Variants in ABHD16A observed in about 807,000 individuals in gnomAD.
ABHD16A encodes the protein abhydrolase domain containing 16A, phospholipase, also known as phosphatidylserine lipase ABHD16A.
Under a neutral mutation model 89.8 loss-of-function variants are expected in ABHD16A, and 47 were observed. The observed-to-expected ratio is 0.52, with a 90% confidence interval of 0.41 to 0.67. The LOEUF is 0.67. Among genes scored for constraint, ABHD16A ranks in the 30% least tolerant of loss-of-function variants. ABHD16A has a pLI of 0.00. For synonymous variants in ABHD16A, 251 were observed against 280.4 expected (o/e 0.90, Z 1.05); for missense variants, 580 against 734.6 (o/e 0.79, Z 2.43).
At chr6:31,703,013 C>G in intron 1 of ABHD16A, 137 bp downstream of exon 1, 1 of 1,353,836 alleles carries the variant, frequency 7.4e-7, no homozygotes, top group Non-Finnish European at 9.5e-7. Flanking sequence ...AGGAAGCACA[C>G]AGAGCGCAGA....
intron 1 of ABHD16A, chr6:31,702,717 G>A: frequency 6.5e-7 from 1 of 1,544,698 alleles, no homozygotes; most frequent in Non-Finnish European, 8.7e-7. Flanking sequence ...AAGTCATTCT[G>A]AAATTCAAGG....
rs775646648 is a variant in ABHD16A, at chr6:31,703,186, C to A, written c.96G>T (p.Thr32=). Reference sequence around the variant, plus strand: ...AATGGGGGGCAGTGACTGCCGTTGGCGTCTCAGGGACGCTGGCCGGGGCCC... The same window carrying A: ...AATGGGGGGCAGTGACTGCCGTTGGAGTCTCAGGGACGCTGGCCGGGGCCC... The part of the protein sequence containing the change: ...SERAPASVPE[T]PTAVTAPHSS... The change falls in exon 1 of 20, where the codon ACG becomes ACT. Residue 32 remains threonine, a synonymous_variant. Transcript: ENST00000395952. 2 of 1,434,124 alleles carry A rather than the reference C, an allele frequency of 1.4e-6. No homozygotes were observed. Among genetic ancestry groups the A allele is most frequent in the Admixed American group, 2.7e-5 (1 of 37,378 alleles). The allele number at this position is 1,434,124 out of a possible 1,614,324, so 88.8% of individuals were successfully genotyped here.
rs149790845 is a variant in ABHD16A, at chr6:31,697,024, C to T, written c.353G>A (p.Arg118His). 8.1e-6 allele frequency: 13 copies of T among 1,612,662 alleles called. No individual in the cohort carries two copies. Among genetic ancestry groups the T allele is most frequent in the Non-Finnish European group, 1.0e-5 (12 of 1,179,852 alleles). The change falls in exon 5 of 20, where the codon CGC becomes CAC. Residue 118 changes from arginine to histidine, a missense_variant. This residue lies in a region of ABHD16A where 165 missense variants were observed against 165.8 expected (regional missense o/e 1.00). Transcript: ENST00000395952. ...CTGCCGGTACTGGGGGTTGGTCCAG[C>T]GGCCAATGCCTGGTAGAAAAAGGAC... ...AGVACLRGIG[R>H]WTNPQYRQFI...
At position 31,693,587 on chromosome 6, in the gene ABHD16A, A is replaced by C. The variant is rs1804117252; in HGVS notation, c.430-155T>G. On this transcript the variant is annotated intron_variant, in intron 5 of 19. Transcript: ENST00000395952. The surrounding 1 kb of genome is among the most constrained non-coding windows in gnomAD (Gnocchi z 5.0). ...TACCCTCCCAATTCTCAGATGGAAA[A>C]TTCTAACAGGACCAGAAAATCAGGG... Among the ~76,000 whole-genome samples the C allele has an allele frequency of 6.6e-6, 1 of 152,168 alleles. No homozygotes were observed. The highest frequency in any genetic ancestry group is 1.5e-5 in the Non-Finnish European group (1 of 68,024).
chr6:31,688,792 G>A lies in ABHD16A; in HGVS notation c.1187-6C>T, dbSNP rs1179454981. On this transcript the variant is annotated splice_polypyrimidine_tract_variant and splice_region_variant and intron_variant, in intron 13 of 19. Coordinates refer to ENST00000395952, the MANE Select transcript of ABHD16A (RefSeq NM_021160.3). This position sits in a 1 kb window ranked among gnomAD's most constrained non-coding sequence, Gnocchi z 4.9. ...GGTCCTGGTCACCAGGCCCCCTAGA[G>A]TGGGATAAAGGTGAAGGGATGGCAG... The A allele has an allele frequency of 2.5e-6, 4 of 1,612,706 alleles. No homozygotes were observed. In the South Asian group the frequency reaches 3.3e-5, roughly 13 times the overall value.
chr6:31,692,999 T>C (rs750460705), intron 7 of ABHD16A, 28 bp downstream of exon 7: 1 of 1,614,064 alleles, frequency 6.2e-7, no homozygotes, highest in Non-Finnish European at 8.5e-7. Context: ...TCCACCCCAG[T>C]GGGCCTCTCC....
chr6:31,691,450 C>T (rs540215098), intron 9 of ABHD16A, 129 bp downstream of exon 9: 3 of 759,070 alleles, frequency 4.0e-6, no homozygotes, highest in Non-Finnish European at 6.5e-6. Flanking sequence ...AGGTCTTTAG[C>T]GTGGAGCTAG....
intron 8 of ABHD16A, 40 bp downstream of exon 8, chr6:31,691,764 G>T: frequency 6.4e-7 from 1 of 1,573,652 alleles, no homozygotes; most frequent in Non-Finnish European, 8.6e-7. Flanking sequence ...GGGGGTGAGA[G>T]GGGAGGGCTT....
In ABHD16A at chr6:31,687,595, C is replaced by A; in HGVS notation, c.1546+47G>T. On this transcript the variant is annotated intron_variant, in intron 18 of 19. Transcript: ENST00000395952. This position sits in a 1 kb window ranked among gnomAD's most constrained non-coding sequence, Gnocchi z 6.3. The stretch of plus-strand genomic sequence containing the variant: ...GGCCACACATCTGGGTATTCATCCC[C>A]TTCCTAGGCCCTTCCCACCCTCTCT... 1 of 1,612,978 alleles carries A rather than the reference C, an allele frequency of 6.2e-7. No homozygotes were observed. The highest frequency in any genetic ancestry group is 2.2e-5 in the East Asian group (1 of 44,884).
intron 4 of ABHD16A, among the ~76,000 whole-genome samples, chr6:31,700,657 G>A (rs1804880350): frequency 6.6e-6 from 1 of 151,910 alleles, no homozygotes; most frequent in African/African-American, 2.4e-5. Flanking sequence ...AGTACTTCGG[G>A]AGGCTGAGGT....
chr6:31,690,484 G>T lies in ABHD16A; in HGVS notation c.907+55C>A. ...AGGGGAGGTCAGGTCAGTGTGGGAG[G>T]CAGGGACATTCCCTTTCAAAGGGCG... On this transcript the variant is annotated intron_variant, in intron 10 of 19. Coordinates refer to ENST00000395952, the MANE Select transcript of ABHD16A (RefSeq NM_021160.3). This position sits in a 1 kb window ranked among gnomAD's most constrained non-coding sequence, Gnocchi z 4.1. 1 of 1,580,302 alleles carries T rather than the reference G, an allele frequency of 6.3e-7. No individual in the cohort carries two copies. Among genetic ancestry groups the T allele is most frequent in the Non-Finnish European group, 8.7e-7 (1 of 1,150,380 alleles).
At position 31,693,358 on chromosome 6, in the gene ABHD16A, C is replaced by A. The variant is rs1334574044; in HGVS notation, c.503+1G>T. On this transcript the variant is annotated splice_donor_variant, in intron 6 of 19. Coordinates refer to ENST00000395952, the MANE Select transcript of ABHD16A (RefSeq NM_021160.3). LOFTEE classifies it high-confidence loss of function. The surrounding 1 kb of genome is among the most constrained non-coding windows in gnomAD (Gnocchi z 5.0). ...ATACAGCAAAAGAACTGGGGCCTCA[C>A]CGGCTGCTGGGTTCTTCCCAGTGGA... The A allele has an allele frequency of 6.2e-7, 1 of 1,612,950 alleles. No homozygotes were observed. The highest frequency in any genetic ancestry group is 1.3e-5 in the African/African-American group (1 of 74,916).
chr6:31,694,387 CTTTTTTTTTTT>C (rs1190272819), intron 5 of ABHD16A, among the ~76,000 whole-genome samples: 4 of 77,720 alleles, frequency 5.1e-5, no homozygotes, highest in Non-Finnish European at 9.1e-5. Flanking sequence ...GGAGCTGTGT[CTTTTTTTTTTT>C]TTTTTTTTTT....
chr6:31,689,094 T>C lies in ABHD16A; in HGVS notation c.1107A>G (p.Pro369=), dbSNP rs1803592907. 1 of 1,613,958 alleles carries C rather than the reference T, an allele frequency of 6.2e-7. No homozygotes were observed. Among genetic ancestry groups the C allele is most frequent in the Non-Finnish European group, 8.5e-7 (1 of 1,179,942 alleles). Residue 369 remains proline, a synonymous_variant, in exon 13 of 20, where the codon CCA becomes CCG. Coordinates refer to ENST00000395952, the MANE Select transcript of ABHD16A (RefSeq NM_021160.3). The stretch of plus-strand genomic sequence containing the variant: ...CATCCAGGATCATGGCACTAACATC[T>C]GGGTAGGACATGGCTGCCCACGTGG... ...FTATWAAMSY[P]DVSAMILDAS...
rs779593019 is a variant in ABHD16A at position 31,693,125 on chromosome 6, G to T, written c.528C>A (p.Ser176=). The change falls in exon 7 of 20, where the codon TCC becomes TCA. Residue 176 remains serine (S), a synonymous_variant. Transcript: ENST00000395952. This position sits in a 1 kb window ranked among gnomAD's most constrained non-coding sequence, Gnocchi z 5.0. ...GGCGAAGCAGGGCCACACCCCGGCG[G>T]GAAGGGCCCCCTCGAGACTCCTTCC... ...SSRKESRGGP[S]RRGVALLRPE... is the part of the protein sequence containing the mutation. 7 of 1,613,864 alleles carry T rather than the reference G, an allele frequency of 4.3e-6. No individual in the cohort carries two copies. The highest frequency in any genetic ancestry group is 5.9e-6 in the Non-Finnish European group (7 of 1,179,864).
rs73728969 is a variant in ABHD16A, at chr6:31,691,036, G to T, written c.844-434C>A. On this transcript the variant is annotated intron_variant, in intron 9 of 19. Transcript: ENST00000395952. ...GCGCCCCAAGCTGAAACCCACGAAT[G>T]GTGGGATTTGCATGAACTCTCATAA... 7.7e-3 allele frequency among the ~76,000 whole-genome samples: 1,173 copies of T among 152,220 alleles called. 16 individuals are homozygous for T. The highest frequency in any genetic ancestry group is 0.026 in the African/African-American group (1,091 of 41,520).
Position 31,693,445 on chromosome 6 carries a change from CGA to C in ABHD16A, c.430-15_430-14del. On this transcript the variant is annotated splice_polypyrimidine_tract_variant and intron_variant, in intron 5 of 19. Transcript: ENST00000395952. The surrounding 1 kb of genome is among the most constrained non-coding windows in gnomAD (Gnocchi z 5.0). ...TGGCAAGCTGCCTCTGCAGTGGGCA[CGA>C]GAGGCAAAGGGGTACTGAGAACTCA... 6.2e-7 allele frequency: 1 copy of C among 1,612,662 alleles called. No individual in the cohort carries two copies. The highest frequency in any genetic ancestry group is 8.5e-7 in the Non-Finnish European group (1 of 1,179,878).
At position 31,697,053 on chromosome 6, in the gene ABHD16A, A is replaced by G. The variant is rs956168018; in HGVS notation, c.344-20T>C. On this transcript the variant is annotated intron_variant, in intron 4 of 19. Coordinates refer to ENST00000395952, the MANE Select transcript of ABHD16A (RefSeq NM_021160.3). ...CAATGCCTGGTAGAAAAAGGACAGG[A>G]AACAGTGCTAGGAAAACTGGGAAGC... The G allele has an allele frequency of 1.9e-6, 3 of 1,603,814 alleles. No homozygotes were observed. Among genetic ancestry groups the G allele is most frequent in the Non-Finnish European group, 2.6e-6 (3 of 1,171,776 alleles).
At position 31,689,728 on chromosome 6, in the gene ABHD16A, G is replaced by C; in HGVS notation, c.958-24C>G. The stretch of plus-strand genomic sequence containing the variant: ...CCCTGCAGGAGAAAGGGCAAAGTCA[G>C]GAGTGTGTCAGCACCAAAGGCCAGC... On this transcript the variant is annotated intron_variant, in intron 11 of 19. Transcript: ENST00000395952. 4 of 1,598,828 alleles carry C rather than the reference G, an allele frequency of 2.5e-6. No individual in the cohort carries two copies. The South Asian group carries it at 4.5e-5, about 18-fold the overall frequency.
Sources: gnomAD v4.1 joint callset for allele counts (sites outside exome capture counted in the v4.1 genomes callset) on GRCh38, gnomAD v4.1.1 for gene constraint, gnomAD v4.1.1 regional missense constraint, Gnocchi (gnomAD v3.1) non-coding constraint, MANE v1.5 for transcripts, NCBI Gene and HGNC (gene_info 2026-07-23, HGNC 2026-07-21) for gene names.